Variants in LARP1 observed in about 807,000 individuals in gnomAD.
The protein encoded by LARP1 is la-related protein 1.
LARP1 carries 36 observed loss-of-function variants against 122.7 expected under a neutral mutation model. The ratio of observed to expected loss-of-function variants is 0.29; its 90% CI spans 0.22 to 0.39. The LOEUF (loss-of-function observed/expected upper bound fraction) is 0.39. Ranked by LOEUF, LARP1 falls within the 10% of genes least tolerant of loss-of-function variation. LARP1 has a pLI of 1.00. For synonymous variants in LARP1, 539 were observed against 528.7 expected, an observed-to-expected ratio of 1.02 and a Z score of -0.27; for missense variants, 1,040 against 1,403.6, an observed-to-expected ratio of 0.74 and a Z score of 4.14.
chr5:154,779,947 T>C lies in LARP1; in HGVS notation c.437-10378T>C, dbSNP rs138570415. On this transcript the variant is annotated intron_variant, in intron 1 of 18. Coordinates refer to ENST00000518297, the MANE Select transcript of LARP1 (RefSeq NM_033551.3). ...TTCATAGCATCCCAGGGCTTAACTC[T>C]TTCCCAGTTGGGTTGTAGCATATGA... Among the ~76,000 whole-genome samples the C allele has an allele frequency of 3.2e-3, 486 of 152,256 alleles. 3 individuals carry two copies. The highest frequency in any genetic ancestry group is 0.011 in the African/African-American group (473 of 41,552).
chr5:154,742,138 C>T (rs933383301), intron 1 of LARP1, among the ~76,000 whole-genome samples: 2 of 152,204 alleles, frequency 1.3e-5, no homozygotes, highest in African/African-American at 4.8e-5. Flanking sequence ...AGCTTTTCTG[C>T]ACTTCACTCC....
intron 1 of LARP1, among the ~76,000 whole-genome samples, chr5:154,692,120 G>T (rs775196471): frequency 1.3e-5 from 2 of 152,180 alleles, no homozygotes; most frequent in Admixed American, 6.5e-5. Context: ...GGAAACCTTC[G>T]CTGGCTCCCT....
At chr5:154,719,462 A>G (rs562178642) in intron 1 of LARP1, among the ~76,000 whole-genome samples, 3 of 152,356 alleles carry the variant, frequency 2.0e-5, no homozygotes, top group African/African-American at 7.2e-5. Context: ...ACATAGGATG[A>G]CAAAGGAAAC....
chr5:154,750,596 A>G (rs1171568648), upstream of LARP1, among the ~76,000 whole-genome samples: 1 of 147,656 alleles, frequency 6.8e-6, no homozygotes, highest in African/African-American at 2.5e-5. Context: ...GACCCATTTT[A>G]TTAATTTGGT....
At chr5:154,782,717 A>C (rs1756563920) in intron 1 of LARP1, among the ~76,000 whole-genome samples, 1 of 152,138 alleles carries the variant, frequency 6.6e-6, no homozygotes, top group Admixed American at 6.5e-5. Context: ...TCTCCCTAAG[A>C]ATGCCCTTCC....
intron 15 of LARP1, among the ~76,000 whole-genome samples, chr5:154,806,630 T>A (rs1230289250): frequency 1.3e-5 from 2 of 152,214 alleles, no homozygotes; most frequent in African/African-American, 4.8e-5. Context: ...GATGCTCTTG[T>A]CTGTCCCTGC....
intron 1 of LARP1, among the ~76,000 whole-genome samples, chr5:154,748,017 C>T (rs1753295009): frequency 6.6e-6 from 1 of 152,108 alleles, no homozygotes. Context: ...CAGCTAATTT[C>T]TTTTTTATTT....
At chr5:154,713,883 C>T (rs1476644946) in intron 1 of LARP1, among the ~76,000 whole-genome samples, 5 of 152,202 alleles carry the variant, frequency 3.3e-5, no homozygotes, top group Admixed American at 1.3e-4. Flanking sequence ...GCTGAGGTCT[C>T]CCTCAGCCCT....
chr5:154,786,227 GAC>G (rs1170531076), intron 1 of LARP1, among the ~76,000 whole-genome samples: 2 of 152,132 alleles, frequency 1.3e-5, no homozygotes, highest in African/African-American at 4.8e-5. Flanking sequence ...TTTTAGTATA[GAC>G]AGAGTTTCAC....
Position 154,755,635 on chromosome 5 carries a change from T to C in LARP1, c.-123T>C. 1 of 987,130 alleles carries C rather than the reference T, an allele frequency of 1.0e-6. No homozygotes were observed. The highest frequency in any genetic ancestry group is 1.2e-6 in the Non-Finnish European group (1 of 829,994). The allele number at this position is 987,130 out of a possible 1,614,324, so 61.1% of individuals were successfully genotyped here. A position where few individuals can be genotyped will look rare whatever the true frequency, so the allele number is the denominator to read the frequency against. ...CGCACCTCGCGTGAACCCCGACCCT[T>C]CTCTGCAGGGACTGGGGCCCAGCGC... On this transcript the variant is annotated 5_prime_UTR_variant, in exon 1 of 19. Transcript: ENST00000518297.
At chr5:154,741,995 A>G (rs1270524810) in intron 1 of LARP1, among the ~76,000 whole-genome samples, 1 of 152,196 alleles carries the variant, frequency 6.6e-6, no homozygotes, top group East Asian at 1.9e-4. Flanking sequence ...TAGGCCATTC[A>G]TGTTCCTTCT....
intron 1 of LARP1, among the ~76,000 whole-genome samples, chr5:154,715,126 G>A (rs971210366): frequency 1.3e-5 from 2 of 151,408 alleles, no homozygotes; most frequent in Admixed American, 6.6e-5. Flanking sequence ...GTTGCAGTGA[G>A]CCGAGATCAC....
chr5:154,701,872 C>T (rs541287668), intron 1 of LARP1, among the ~76,000 whole-genome samples: 3 of 152,238 alleles, frequency 2.0e-5, no homozygotes, highest in African/African-American at 4.8e-5. Flanking sequence ...CCACCCCTGT[C>T]GGCCTTCCAA....
chr5:154,779,796 CTG>C (rs1417307529), intron 1 of LARP1, among the ~76,000 whole-genome samples: 2 of 152,106 alleles, frequency 1.3e-5, no homozygotes, highest in Admixed American at 1.3e-4. Flanking sequence ...GCATGAGCCA[CTG>C]TGCCCAGCCC....
chr5:154,726,784 C>G (rs950289727), intron 1 of LARP1, among the ~76,000 whole-genome samples: 1 of 152,240 alleles, frequency 6.6e-6, no homozygotes, highest in Non-Finnish European at 1.5e-5. Flanking sequence ...AATTGACTCA[C>G]AGATCCACAT....
At chr5:154,772,830 G>A (rs1755551777) in intron 1 of LARP1, among the ~76,000 whole-genome samples, 1 of 152,056 alleles carries the variant, frequency 6.6e-6, no homozygotes, top group Admixed American at 6.6e-5. Context: ...TGGGATTATA[G>A]GCATGTGCTG....
At chr5:154,801,517 T>C (rs1758353860) in intron 10 of LARP1, among the ~76,000 whole-genome samples, 1 of 152,220 alleles carries the variant, frequency 6.6e-6, no homozygotes, top group Non-Finnish European at 1.5e-5. Flanking sequence ...GACTAATGGG[T>C]ACTCCCTCAT....
intron 1 of LARP1, among the ~76,000 whole-genome samples, chr5:154,734,473 A>T (rs1462543967): frequency 1.3e-5 from 2 of 152,236 alleles, no homozygotes; most frequent in African/African-American, 4.8e-5. Flanking sequence ...AGCACTCAGA[A>T]ATAACCACTG....
intron 10 of LARP1, 125 bp downstream of exon 10, chr5:154,800,167 C>A: frequency 1.2e-6 from 1 of 864,530 alleles, no homozygotes; most frequent in Non-Finnish European, 1.7e-6. Context: ...AGTTCAGGAT[C>A]ATAGTGTGAG....
Sources: allele counts gnomAD v4.1 joint callset (sites outside exome capture counted in the v4.1 genomes callset), GRCh38; gene constraint gnomAD v4.1.1; transcripts MANE v1.5; gene names NCBI Gene and HGNC (gene_info 2026-07-23, HGNC 2026-07-21).